The following HECW1 variants were observed in gnomAD, a reference collection of about 807,000 sequenced individuals.
HECW1 encodes E3 ubiquitin-protein ligase HECW1.
A neutral mutation model predicts 182.3 loss-of-function variants in HECW1; 61 were observed. The observed-to-expected ratio is 0.33, with a 90% CI of 0.27 to 0.41. HECW1 has a LOEUF of 0.41. HECW1 is among the 10% of genes least tolerant of loss of function. The pLI is 1.00. For missense variants in HECW1, 1,739 were observed against 2,108.9 expected (o/e 0.82, Z 3.44); for synonymous variants, 859 against 832.6 (o/e 1.03, Z -0.55).
At chr7:43,289,767 G>C (rs1433931191) in intron 3 of HECW1, among the ~76,000 whole-genome samples, 1 of 152,234 alleles carries the variant, frequency 6.6e-6, no homozygotes, top group African/African-American at 2.4e-5. Flanking sequence ...TTACAGTTTG[G>C]TTTTATACAT....
intron 5 of HECW1, among the ~76,000 whole-genome samples, chr7:43,335,464 G>A (rs980334380): frequency 1.4e-4 from 21 of 152,176 alleles, no homozygotes; most frequent in African/African-American, 5.1e-4. Flanking sequence ...CCTTTGCTAT[G>A]TGAGAACACA....
chr7:43,499,178 G>T (rs539651484), intron 19 of HECW1, among the ~76,000 whole-genome samples: 10 of 152,118 alleles, frequency 6.6e-5, no homozygotes, highest in Non-Finnish European at 1.5e-4. Context: ...CTACATGGGG[G>T]GACTGAGGCA....
At chr7:43,199,620 G>A (rs1794848819) in intron 2 of HECW1, among the ~76,000 whole-genome samples, 1 of 151,986 alleles carries the variant, frequency 6.6e-6, no homozygotes, top group Non-Finnish European at 1.5e-5. Context: ...TTAATTCTTT[G>A]TAAGCATCGA....
At chr7:43,115,704 T>G (rs986521665) in intron 2 of HECW1, among the ~76,000 whole-genome samples, 4 of 152,246 alleles carry the variant, frequency 2.6e-5, no homozygotes, top group African/African-American at 9.6e-5. Flanking sequence ...TGATTCATGC[T>G]TAGCCACACA....
chr7:43,428,593 A>G (rs537656298), intron 8 of HECW1, among the ~76,000 whole-genome samples: 1 of 152,356 alleles, frequency 6.6e-6, no homozygotes, highest in African/African-American at 2.4e-5. Flanking sequence ...ATTTAGACTT[A>G]CTGACTGATT....
At chr7:43,404,715 C>T (rs2075544578) in intron 7 of HECW1, among the ~76,000 whole-genome samples, 1 of 152,068 alleles carries the variant, frequency 6.6e-6, no homozygotes, top group Non-Finnish European at 1.5e-5. Flanking sequence ...CACAGTGGCT[C>T]ACACCTGTAA....
chr7:43,488,647 T>G (rs1460868262), intron 17 of HECW1, among the ~76,000 whole-genome samples: 1 of 152,202 alleles, frequency 6.6e-6, no homozygotes, highest in Non-Finnish European at 1.5e-5. Flanking sequence ...TAGCACATAC[T>G]AAATCCTAGT....
chr7:43,336,100 TTTC>T lies in HECW1; in HGVS notation c.460+15364_460+15366del, dbSNP rs200211596. ...CCCTTTCTTTCTTTCTCTTTCTTTC[TTTC>T]TTCTTTCTTTCTTTCTTTCTTTCTC... On this transcript the variant is annotated intron_variant, in intron 5 of 29. Coordinates refer to ENST00000395891, the MANE Select transcript of HECW1 (RefSeq NM_015052.5). Among the ~76,000 whole-genome samples, 291 of 145,912 alleles carry T rather than the reference TTTC, an allele frequency of 2.0e-3. 6 individuals carry two copies. Among genetic ancestry groups the T allele is most frequent in the African/African-American group, 5.7e-3 (213 of 37,418 alleles).
intron 3 of HECW1, among the ~76,000 whole-genome samples, chr7:43,291,373 G>A (rs186065997): frequency 1.2e-4 from 18 of 152,248 alleles, no homozygotes; most frequent in African/African-American, 3.9e-4. Context: ...TTTTTAAATA[G>A]GTAAAGGCAA....
chr7:43,559,761 T>C (rs968942284), intron 29 of HECW1, among the ~76,000 whole-genome samples: 1 of 152,170 alleles, frequency 6.6e-6, no homozygotes, highest in African/African-American at 2.4e-5. Flanking sequence ...CTCGGTGCTG[T>C]CAGAACCACA....
chr7:43,145,603 A>G (rs914807610), intron 2 of HECW1, among the ~76,000 whole-genome samples: 1 of 152,156 alleles, frequency 6.6e-6, no homozygotes, highest in African/African-American at 2.4e-5. Flanking sequence ...CTTCATGAAC[A>G]GCTTCTGGAG....
At chr7:43,326,827 G>A (rs1810854055) in intron 5 of HECW1, among the ~76,000 whole-genome samples, 2 of 152,250 alleles carry the variant, frequency 1.3e-5, no homozygotes, top group Admixed American at 6.5e-5. Flanking sequence ...AGGGGAGCCG[G>A]TGGCCTTCTC....
At chr7:43,478,472 A>G (rs900520599) in intron 16 of HECW1, among the ~76,000 whole-genome samples, 20 of 152,186 alleles carry the variant, frequency 1.3e-4, no homozygotes, top group African/African-American at 4.8e-4. Flanking sequence ...TAAAAAAGTC[A>G]AATGTCTAAC....
intron 8 of HECW1, among the ~76,000 whole-genome samples, chr7:43,433,988 G>A (rs957876735): frequency 1.3e-5 from 2 of 152,132 alleles, no homozygotes; most frequent in African/African-American, 4.8e-5. Context: ...AAGATGCAAA[G>A]AGATAAAATT....
intron 2 of HECW1, among the ~76,000 whole-genome samples, chr7:43,130,775 T>A (rs1348558740): frequency 6.6e-6 from 1 of 152,314 alleles, no homozygotes; most frequent in East Asian, 1.9e-4. Context: ...TTGTGGAATT[T>A]TCCACTTGTG....
chr7:43,484,261 A>G (rs1339835590), intron 17 of HECW1: 3 of 152,280 alleles, frequency 2.0e-5, no homozygotes, highest in Non-Finnish European at 4.4e-5. Flanking sequence ...GAGACCCATT[A>G]ACTACATAGA....
At chr7:43,173,713 C>T (rs1437594670) in intron 2 of HECW1, among the ~76,000 whole-genome samples, 3 of 152,200 alleles carry the variant, frequency 2.0e-5, no homozygotes, top group East Asian at 1.9e-4. Context: ...GCTCACCTCC[C>T]GCTGTGCAGC....
At chr7:43,555,509 A>G (rs1285426539) in intron 29 of HECW1, among the ~76,000 whole-genome samples, 1 of 152,226 alleles carries the variant, frequency 6.6e-6, no homozygotes, top group Non-Finnish European at 1.5e-5. Context: ...AGACAGAAGA[A>G]AAGATTGACC....
chr7:43,431,287 G>A (rs1395168787), intron 8 of HECW1, among the ~76,000 whole-genome samples: 1 of 152,000 alleles, frequency 6.6e-6, no homozygotes, highest in African/African-American at 2.4e-5. Context: ...CCATGCCCAG[G>A]CCTCTATTTC....
Sources: gnomAD v4.1 joint callset for allele counts (sites outside exome capture counted in the v4.1 genomes callset) on GRCh38, gnomAD v4.1.1 for gene constraint, MANE v1.5 for transcripts, NCBI Gene and HGNC (gene_info 2026-07-23, HGNC 2026-07-21) for gene names.